Variants in DTWD2 observed in about 807,000 individuals in gnomAD.
DTWD2 encodes the protein tRNA-uridine aminocarboxypropyltransferase 2.
In DTWD2, 39 loss-of-function variants were observed where a neutral mutation model predicts 31.8. The ratio of observed to expected loss-of-function variants is 1.22; its 90% CI spans 0.95 to 1.60. The LOEUF (loss-of-function observed/expected upper bound fraction) is 1.60, where lower values mean the gene tolerates loss of function less well. DTWD2 is among the 40% of genes most tolerant of loss of function. DTWD2 has a pLI of 0.00. For synonymous variants in DTWD2, 180 were observed against 142.8 expected, an observed-to-expected ratio of 1.26 and a Z score of -1.86; for missense variants, 515 against 381.5, an observed-to-expected ratio of 1.35 and a Z score of -2.92.
chr5:118,848,301 C>A, intron 4 of DTWD2, 83 bp from the exon 5 acceptor site: 1 of 1,267,858 alleles, frequency 7.9e-7, no homozygotes, highest in Non-Finnish European at 1.1e-6. Flanking sequence ...TAATTACTTT[C>A]CTTCCAAAAC....
chr5:118,965,580 A>T (rs1354206473), intron 1 of DTWD2, among the ~76,000 whole-genome samples: 1 of 152,234 alleles, frequency 6.6e-6, no homozygotes, highest in East Asian at 1.9e-4. Context: ...CTGTACTAAG[A>T]AAAATTCTTC....
chr5:118,939,340 A>G, intron 2 of DTWD2, 50 bp from the exon 3 acceptor site: 1 of 1,398,456 alleles, frequency 7.2e-7, no homozygotes, highest in Non-Finnish European at 9.6e-7. Context: ...AGATATACAC[A>G]CTTTTAAATA....
chr5:118,872,567 T>C (rs1441050650), intron 4 of DTWD2, among the ~76,000 whole-genome samples: 1 of 152,110 alleles, frequency 6.6e-6, no homozygotes, highest in Non-Finnish European at 1.5e-5. Context: ...GGTGGAACAA[T>C]CAAAACACAC....
intron 1 of DTWD2, among the ~76,000 whole-genome samples, chr5:118,947,829 C>T (rs1362804552): frequency 1.3e-5 from 2 of 152,020 alleles, no homozygotes; most frequent in African/African-American, 4.8e-5. Context: ...GATAAAAGTC[C>T]TAACTTTTAT....
Position 118,848,201 on chromosome 5 carries a change from G to A in DTWD2, c.615C>T (p.Ser205=). The change falls in exon 5 of 6, where the codon AGC becomes AGT. Residue 205 remains serine, a synonymous_variant. Transcript: ENST00000510708. ...RHPKQVQLKT[S]ISSQYVIRMQ... The stretch of plus-strand genomic sequence containing the variant: ...TCCGAATTACATACTGACTAGAAAT[G>A]CTAGTTTTTAATTGCACCTGAAATC... 1 of 1,595,676 alleles carries A rather than the reference G, an allele frequency of 6.3e-7. No homozygotes were observed. Among genetic ancestry groups the A allele is most frequent in the Non-Finnish European group, 8.5e-7 (1 of 1,173,494 alleles).
At position 118,988,468 on chromosome 5, in the gene DTWD2, G is replaced by A. The variant is rs1473466646; in HGVS notation, c.44C>T (p.Ala15Val). The A allele has an allele frequency of 6.2e-7, 1 of 1,605,410 alleles. No individual in the cohort carries two copies. The highest frequency in any genetic ancestry group is 8.5e-7 in the Non-Finnish European group (1 of 1,177,642). Residue 15 changes from alanine to valine, a missense_variant, in exon 1 of 6, where the codon GCG becomes GTG. Coordinates refer to ENST00000510708, the MANE Select transcript of DTWD2 (RefSeq NM_173666.4). The stretch of plus-strand genomic sequence containing the variant: ...AGAGCTTGAGGCCCCAGAAGGCCGC[G>A]CAACGGGCTCCTGGAGTGTTCGTGC... ...KEARTLQEPV[A>V]RPSGASSSQT...
chr5:118,951,146 T>C lies in DTWD2; in HGVS notation c.219-6497A>G, dbSNP rs185488221. On this transcript the variant is annotated intron_variant, in intron 1 of 5. Coordinates refer to ENST00000510708, the MANE Select transcript of DTWD2 (RefSeq NM_173666.4). ...ATGCCTTTAGCTCCAGACACCTCTT[T>C]AAGAGGAAATTGTTGGGCAGGTGGG... Among the ~76,000 whole-genome samples, 240 of 152,202 alleles carry C rather than the reference T, an allele frequency of 1.6e-3. 2 individuals are homozygous for C. The highest frequency in any genetic ancestry group is 5.7e-3 in the African/African-American group (237 of 41,540).
chr5:118,854,634 C>T (rs1752088943), intron 4 of DTWD2, among the ~76,000 whole-genome samples: 1 of 150,708 alleles, frequency 6.6e-6, no homozygotes, highest in Admixed American at 6.9e-5. Flanking sequence ...CACATACACA[C>T]AAAAGCAAAC....
At chr5:118,872,286 A>G (rs1316654767) in intron 4 of DTWD2, among the ~76,000 whole-genome samples, 1 of 152,148 alleles carries the variant, frequency 6.6e-6, no homozygotes, top group Non-Finnish European at 1.5e-5. Context: ...AACACTTTTA[A>G]TTTCCTTCAA....
At chr5:118,973,138 C>G (rs1390882113) in intron 1 of DTWD2, among the ~76,000 whole-genome samples, 1 of 149,496 alleles carries the variant, frequency 6.7e-6, no homozygotes, top group African/African-American at 2.5e-5. Flanking sequence ...CATTTTGAGC[C>G]TATGTGTGTC....
rs186311948 is a variant in DTWD2 at position 118,848,771 on chromosome 5, G to T, written c.598-553C>A. On this transcript the variant is annotated intron_variant, in intron 4 of 5. Transcript: ENST00000510708. ...GACAAACCTGACACAAACAAGCAAT[G>T]GGGAAAGGATTCCCTATTTAATAAA... is the stretch of plus-strand genomic sequence containing the variant. Among the ~76,000 whole-genome samples, 816 of 152,224 alleles carry T rather than the reference G, an allele frequency of 5.4e-3. 9 individuals are homozygous for T. Among genetic ancestry groups the T allele is most frequent in the African/African-American group, 0.019 (773 of 41,518 alleles).
At chr5:118,948,470 G>A (rs1378079085) in intron 1 of DTWD2, among the ~76,000 whole-genome samples, 1 of 152,126 alleles carries the variant, frequency 6.6e-6, no homozygotes, top group Non-Finnish European at 1.5e-5. Flanking sequence ...GACAAAGCAA[G>A]ACTCCATCTC....
chr5:118,912,856 G>A (rs1580802262), intron 4 of DTWD2, among the ~76,000 whole-genome samples: 1 of 152,324 alleles, frequency 6.6e-6, no homozygotes, highest in East Asian at 1.9e-4. Flanking sequence ...TTGGGTAAAT[G>A]TATGGATTAA....
intron 2 of DTWD2, among the ~76,000 whole-genome samples, chr5:118,941,447 GAT>G (rs1311995998): frequency 1.3e-5 from 2 of 152,114 alleles, no homozygotes; most frequent in East Asian, 3.9e-4. Context: ...TTGTCCTTGT[GAT>G]ATAGTTTGCT....
Position 118,871,812 on chromosome 5 carries a change from T to C in DTWD2, c.598-23594A>G, listed in dbSNP as rs529299322. Among the ~76,000 whole-genome samples the C allele has an allele frequency of 5.3e-5, 8 of 152,278 alleles. No homozygotes were observed. In the South Asian group the frequency reaches 6.2e-4, roughly 12 times the overall value. On this transcript the variant is annotated intron_variant, in intron 4 of 5. Transcript: ENST00000510708. ...ATCAACCTGAAACTCACCAGCTGCA[T>C]TATCCCCTAACAAGCAAGTCGGCCT...
At position 118,974,479 on chromosome 5, in the gene DTWD2, G is replaced by A. The variant is rs572089142; in HGVS notation, c.218+13815C>T. ...CGATGACCAAACCAGCCTTCGGAGCGTTCTCTGTCCTACTTCTGACTTTAC... is the reference window on the plus strand; with the variant it reads ...CGATGACCAAACCAGCCTTCGGAGCATTCTCTGTCCTACTTCTGACTTTAC... On this transcript the variant is annotated intron_variant, in intron 1 of 5. Coordinates refer to ENST00000510708, the MANE Select transcript of DTWD2 (RefSeq NM_173666.4). 1.4e-4 allele frequency: 64 copies of A among 469,742 alleles called. No homozygotes were observed. In the Middle Eastern group the frequency reaches 2.9e-3, roughly 22 times the overall value. The allele number at this position is 469,742 out of a possible 1,614,324, so 29.1% of individuals were successfully genotyped here. A position where few individuals can be genotyped will look rare whatever the true frequency, so the allele number is the denominator to read the frequency against.
intron 1 of DTWD2, among the ~76,000 whole-genome samples, chr5:118,975,240 T>C (rs1194091755): frequency 6.6e-6 from 1 of 152,212 alleles, no homozygotes; most frequent in East Asian, 1.9e-4. Flanking sequence ...TTCTTTTTTC[T>C]GTAATCTTGT....
chr5:118,929,246 T>C (rs1753872480), intron 3 of DTWD2, among the ~76,000 whole-genome samples: 2 of 152,208 alleles, frequency 1.3e-5, no homozygotes, highest in South Asian at 2.1e-4. Flanking sequence ...AAGGACTCCA[T>C]ACTTCTATAT....
chr5:118,856,497 T>G (rs1277456272), intron 4 of DTWD2, among the ~76,000 whole-genome samples: 1 of 152,154 alleles, frequency 6.6e-6, no homozygotes, highest in Non-Finnish European at 1.5e-5. Context: ...GTCACTACAG[T>G]ACACCCCTAG....
Sources: allele counts gnomAD v4.1 joint callset (sites outside exome capture counted in the v4.1 genomes callset), GRCh38; gene constraint gnomAD v4.1.1; transcripts MANE v1.5; gene names NCBI Gene and HGNC (gene_info 2026-07-23, HGNC 2026-07-21).